The following RABEPK variants were observed in gnomAD, a reference collection of about 807,000 sequenced individuals.
RABEPK encodes Rab9 effector protein with kelch motifs.
In RABEPK, 27 loss-of-function variants were observed where a neutral mutation model predicts 34.1. The observed-to-expected ratio is 0.79, with a 90% CI of 0.58 to 1.09. The LOEUF (loss-of-function observed/expected upper bound fraction) is 1.09. Ranked by LOEUF, RABEPK falls within the 50% of genes least tolerant of loss-of-function variation. The pLI is 0.00. For synonymous variants in RABEPK, 172 were observed against 169.2 expected (o/e 1.02, Z -0.13); for missense variants, 449 against 462.6 (o/e 0.97, Z 0.27).
chr9:125,227,069 C>T (rs1831810265), intron 5 of RABEPK, among the ~76,000 whole-genome samples: 1 of 151,490 alleles, frequency 6.6e-6, no homozygotes, highest in South Asian at 2.1e-4. Flanking sequence ...ACTCTGGAGG[C>T]TGAGGCAGGA....
At chr9:125,209,272 G>C (rs1830438848) in intron 3 of RABEPK, among the ~76,000 whole-genome samples, 1 of 151,618 alleles carries the variant, frequency 6.6e-6, no homozygotes, top group Non-Finnish European at 1.5e-5. Flanking sequence ...TGTTGATCAG[G>C]CTGGTCTTCA....
At chr9:125,211,207 A>C (rs1001586271) in intron 3 of RABEPK, among the ~76,000 whole-genome samples, 1 of 150,886 alleles carries the variant, frequency 6.6e-6, no homozygotes, top group Admixed American at 6.6e-5. Flanking sequence ...ACTGCACTCC[A>C]GCCTGGGTGA....
At chr9:125,233,336 T>G (rs984572861) in intron 7 of RABEPK, among the ~76,000 whole-genome samples, 10 of 137,748 alleles carry the variant, frequency 7.3e-5, no homozygotes, top group South Asian at 2.5e-4. Context: ...ATTGTTTTTT[T>G]TTTTTTTTTT....
chr9:125,217,635 C>T (rs1473694279), intron 4 of RABEPK, among the ~76,000 whole-genome samples: 1 of 152,142 alleles, frequency 6.6e-6, no homozygotes, highest in Non-Finnish European at 1.5e-5. Flanking sequence ...AATTTGACAT[C>T]ATGCCCAAGA....
At chr9:125,202,722 C>T (rs187709594) in intron 1 of RABEPK, among the ~76,000 whole-genome samples, 15 of 151,816 alleles carry the variant, frequency 9.9e-5, no homozygotes, top group Admixed American at 1.3e-4. Context: ...CCAAGCTACT[C>T]GGGAGGCTGA....
At chr9:125,223,624 A>T (rs1320429558) in intron 5 of RABEPK, among the ~76,000 whole-genome samples, 2 of 151,526 alleles carry the variant, frequency 1.3e-5, no homozygotes, top group Non-Finnish European at 2.9e-5. Flanking sequence ...CCATCGGCTC[A>T]GGAGGCTGGA....
chr9:125,210,809 T>C (rs1830540539), intron 3 of RABEPK, among the ~76,000 whole-genome samples: 4 of 151,470 alleles, frequency 2.6e-5, no homozygotes, highest in Admixed American at 2.6e-4. Flanking sequence ...GTTAGGTCCA[T>C]GTAACATTTC....
At chr9:125,231,277 G>C (rs1415280551) in intron 6 of RABEPK, among the ~76,000 whole-genome samples, 2 of 151,972 alleles carry the variant, frequency 1.3e-5, no homozygotes, top group African/African-American at 4.8e-5. Flanking sequence ...CTGGGTAACA[G>C]AGTGAGACTC....
chr9:125,212,937 G>A (rs1446511690), intron 3 of RABEPK, among the ~76,000 whole-genome samples: 2 of 152,092 alleles, frequency 1.3e-5, no homozygotes, highest in Non-Finnish European at 2.9e-5. Flanking sequence ...CAAAGTGCTC[G>A]GATTACAGGC....
intron 5 of RABEPK, 195 bp downstream of exon 5, chr9:125,220,895 G>C: frequency 1.5e-6 from 1 of 664,272 alleles, no homozygotes; most frequent in East Asian, 3.1e-5. Flanking sequence ...GGCCTGGCAT[G>C]GTGGCTCACA....
chr9:125,219,380 T>G (rs1459715592), intron 4 of RABEPK, among the ~76,000 whole-genome samples: 1 of 150,784 alleles, frequency 6.6e-6, no homozygotes, highest in Non-Finnish European at 1.5e-5. Context: ...TTTTTAATTT[T>G]TAATTTATTT....
chr9:125,202,868 A>G (rs541680462), intron 1 of RABEPK, 140 bp from the exon 2 acceptor site: 4 of 368,472 alleles, frequency 1.1e-5, no homozygotes, highest in African/African-American at 4.3e-5. Flanking sequence ...AAAAATAAAG[A>G]TGAAAAGTTG....
chr9:125,201,864 G>A (rs1345753398), intron 1 of RABEPK, among the ~76,000 whole-genome samples: 2 of 151,264 alleles, frequency 1.3e-5, no homozygotes, highest in Admixed American at 6.6e-5. Flanking sequence ...CGCCTGCCTC[G>A]GCCTCCCAAA....
intron 6 of RABEPK, among the ~76,000 whole-genome samples, chr9:125,231,410 G>A (rs58608837): frequency 0.11 from 16,521 of 152,148 alleles, 1,096 homozygotes; most frequent in African/African-American, 0.19. Flanking sequence ...AGGCTTTGGA[G>A]CCACACCTAA....
intron 2 of RABEPK, among the ~76,000 whole-genome samples, chr9:125,206,720 C>A (rs1425704227): frequency 3.3e-5 from 5 of 152,166 alleles, no homozygotes; most frequent in Non-Finnish European, 7.3e-5. Context: ...AAGCTCTCGC[C>A]ACCATTTATT....
At position 125,232,739 on chromosome 9, in the gene RABEPK, C is replaced by G; in HGVS notation, c.820C>G (p.His274Asp). The G allele has an allele frequency of 5.0e-6, 8 of 1,612,936 alleles. No homozygotes were observed. Among genetic ancestry groups the G allele is most frequent in the Non-Finnish European group, 5.9e-6 (7 of 1,179,432 alleles). Residue 274 changes from histidine to aspartate, a missense_variant, in exon 7 of 8, where the codon CAC becomes GAC. By Grantham distance (81) the His-to-Asp change is moderately conservative. Coordinates refer to ENST00000373538, the MANE Select transcript of RABEPK (RefSeq NM_005833.4). Reference protein sequence around the residue: ...AGALDTMYQYHTEEQHWTLLK... With the variant: ...AGALDTMYQYDTEEQHWTLLK... ...AGCACTGGACACAATGTACCAGTAT[C>G]ACACAGGTGAGCAGGTGTCCATGGG...
intron 3 of RABEPK, among the ~76,000 whole-genome samples, chr9:125,208,433 C>T (rs930655437): frequency 1.3e-5 from 2 of 151,970 alleles, no homozygotes; most frequent in African/African-American, 4.8e-5. Flanking sequence ...AGTGCAATGG[C>T]GCGATCTTCA....
At chr9:125,206,497 C>CA (rs34754516) in intron 2 of RABEPK, among the ~76,000 whole-genome samples, 44,479 of 139,660 alleles carry the variant, frequency 0.32, 6,850 homozygotes, top group East Asian at 0.54. Context: ...GACTCCGTCT[C>CA]AAAAAAAAAA....
intron 2 of RABEPK, 135 bp downstream of exon 2, chr9:125,203,201 A>G: frequency 2.9e-6 from 2 of 681,448 alleles, no homozygotes; most frequent in Non-Finnish European, 5.2e-6. Context: ...TTAGACTCAA[A>G]CTGTCTGAGA....
Sources: allele counts gnomAD v4.1 joint callset (sites outside exome capture counted in the v4.1 genomes callset), GRCh38; gene constraint gnomAD v4.1.1; transcripts MANE v1.5; gene names NCBI Gene and HGNC (gene_info 2026-07-23, HGNC 2026-07-21).